The following RGPD1 variants were observed in gnomAD, a reference collection of about 807,000 sequenced individuals.
The protein encoded by RGPD1 is RANBP2 like and GRIP domain containing 1, also known as RANBP2-like and GRIP domain-containing protein 1.
In RGPD1, 7 loss-of-function variants were observed where a neutral mutation model predicts 40.6. The observed-to-expected ratio is 0.17, with a 90% confidence interval of 0.10 to 0.32. The LOEUF (loss-of-function observed/expected upper bound fraction) is 0.32. RGPD1 is among the 10% of genes least tolerant of loss of function. The pLI, the probability that RGPD1 is intolerant of heterozygous loss-of-function variation, is 1.00. For synonymous variants in RGPD1, 24 were observed against 167.0 expected (o/e 0.14, Z 6.60); for missense variants, 50 against 472.5 (o/e 0.11, Z 8.29).
chr2:86,930,281 C>G, intron 1 of RGPD1: 3 of 1,368,558 alleles, frequency 2.2e-6, no homozygotes, highest in Non-Finnish European at 3.1e-6. Context: ...CAGGTTTGTT[C>G]ACTGGAAGCA....
At chr2:86,932,025 AATAAT>A in intron 1 of RGPD1, among the ~76,000 whole-genome samples, 1 of 148,332 alleles carries the variant, frequency 6.7e-6, no homozygotes, top group Non-Finnish European at 1.5e-5. Flanking sequence ...CAGAGAAGAT[AATAAT>A]ATATTCATTT....
chr2:86,949,551 CAGTGT>C (rs1432618781), intron 1 of RGPD1, among the ~76,000 whole-genome samples: 33 of 116,478 alleles, frequency 2.8e-4, no homozygotes, highest in African/African-American at 9.6e-4. Flanking sequence ...GTTACAGCCA[CAGTGT>C]GTGATAAGTG....
intron 1 of RGPD1, among the ~76,000 whole-genome samples, chr2:86,945,162 C>T (rs1680253733): frequency 1.3e-5 from 2 of 151,970 alleles, no homozygotes; most frequent in Admixed American, 6.6e-5. Context: ...TACATAACGT[C>T]TCCATTAAAT....
chr2:86,939,342 G>A (rs1469241800), upstream of RGPD1, among the ~76,000 whole-genome samples: 3 of 148,318 alleles, frequency 2.0e-5, no homozygotes, highest in Non-Finnish European at 4.5e-5. Context: ...ACTTTGGGAG[G>A]CTGAGGAAGA....
intron 1 of RGPD1, among the ~76,000 whole-genome samples, chr2:86,914,074 G>A (rs1265372937): frequency 2.9e-5 from 2 of 69,968 alleles, no homozygotes; most frequent in Non-Finnish European, 5.8e-5. Flanking sequence ...CTCGGCCCCG[G>A]CCTGGCCGGG....
rs868478581 is a variant in RGPD1, at chr2:86,914,486, G to A, written c.72+565G>A. ...GGCGGCGGCGGCGGCCTCGGCCTCG[G>A]CCTGGCCGGGCTGCGGCGGCGGCGG... On this transcript the variant is annotated intron_variant, in intron 1 of 22. Coordinates refer to the RGPD1 transcript ENST00000398193. Among the ~76,000 whole-genome samples, 23 of 16,978 alleles carry A rather than the reference G, an allele frequency of 1.4e-3. 2 individuals are homozygous for A. The highest frequency in any genetic ancestry group is 4.1e-3 in the East Asian group (2 of 486). 11.1% of individuals were successfully genotyped at this position (16,978 alleles called of 152,430 possible). A position where few individuals can be genotyped will look rare whatever the true frequency, so the allele number is the denominator to read the frequency against.
chr2:87,011,126 C>T lies in RGPD1; in HGVS notation c.5237-1387C>T. On this transcript the variant is annotated intron_variant, in intron 22 of 22. Transcript: ENST00000641458. ...CAGTAGTCATCTCTCTGTTCTGGAT[C>T]AGTAGTATAGCACCAGGGCCCCTGC... 3 of 429,826 alleles carry T rather than the reference C, an allele frequency of 7.0e-6. 1 individual carries two copies. The highest frequency in any genetic ancestry group is 2.1e-5 in the South Asian group (1 of 48,314). 26.6% of individuals were successfully genotyped at this position (429,826 alleles called of 1,614,324 possible).
At chr2:86,928,580 T>A (rs1232881363) in intron 1 of RGPD1, among the ~76,000 whole-genome samples, 2 of 152,096 alleles carry the variant, frequency 1.3e-5, no homozygotes, top group Non-Finnish European at 2.9e-5. Context: ...GTGAAAGTGG[T>A]TGGATTGTGG....
chr2:86,924,543 G>T lies in RGPD1; in HGVS notation c.72+10622G>T, dbSNP rs369265338. ...TGCAGTGATGCTATCGTAGTTGGCT[G>T]TAATCTCGAACTCATAGGCTCAAGC... is the stretch of plus-strand genomic sequence containing the variant. On this transcript the variant is annotated intron_variant, in intron 1 of 22. Transcript: ENST00000398193. Among the ~76,000 whole-genome samples the T allele has an allele frequency of 1.0e-4, 15 of 150,692 alleles. No individual in the cohort carries two copies. The East Asian group carries it at 2.8e-3, about 28-fold the overall frequency.
chr2:86,942,405 C>T (rs1451826915), intron 1 of RGPD1, 97 bp downstream of exon 1: 15 of 1,293,566 alleles, frequency 1.2e-5, no homozygotes, highest in African/African-American at 1.5e-5. Context: ...GCGGCGGCCT[C>T]GATGGCTCAG....
chr2:86,931,949 T>TATATTCATTATATATATATTTATATATA (rs1679008094), intron 1 of RGPD1, among the ~76,000 whole-genome samples: 1 of 144,272 alleles, frequency 6.9e-6, no homozygotes, highest in African/African-American at 2.5e-5. Flanking sequence ...ATTTATGTAT[T>TATATTCATTATATATATATTTATATATA]ATATTCATTA....
intron 1 of RGPD1, among the ~76,000 whole-genome samples, chr2:86,925,712 GTAAATGGAATTCACAGAATGCA>G (rs1355928763): frequency 6.6e-6 from 1 of 151,854 alleles, no homozygotes; most frequent in Non-Finnish European, 1.5e-5. Flanking sequence ...GATTCTAAAT[GTAAATGGAATTCACAGAATGCA>G]TAATTTTTTT....
chr2:86,925,161 C>T (rs1239940539), intron 1 of RGPD1, among the ~76,000 whole-genome samples: 1 of 152,172 alleles, frequency 6.6e-6, no homozygotes, highest in African/African-American at 2.4e-5. Flanking sequence ...CTTACATGTT[C>T]TAGACATGAG....
rs368415294 is a variant in RGPD1 at position 86,924,550 on chromosome 2, C to G, written c.72+10629C>G. ...ATGCTATCGTAGTTGGCTGTAATCT[C>G]GAACTCATAGGCTCAAGCCATCCTC... On this transcript the variant is annotated intron_variant, in intron 1 of 22. Transcript: ENST00000398193. 1.8e-3 allele frequency among the ~76,000 whole-genome samples: 268 copies of G among 150,500 alleles called. 6 individuals are homozygous for G. The highest frequency in any genetic ancestry group is 3.4e-3 in the Middle Eastern group (1 of 290).
rs1437601069 is a variant in RGPD1 at position 87,010,821 on chromosome 2, C to T, written c.5237-1692C>T. Among the ~76,000 whole-genome samples the T allele has an allele frequency of 1.9e-4, 10 of 53,224 alleles. 1 individual carries two copies. Among genetic ancestry groups the T allele is most frequent in the South Asian group, 1.4e-3 (2 of 1,380 alleles). 34.9% of individuals were successfully genotyped at this position (53,224 alleles called of 152,430 possible). A position where few individuals can be genotyped will look rare whatever the true frequency, so the allele number is the denominator to read the frequency against. ...ACTTGGGAGGCTGAGGTAGGAGAAT[C>T]GCTTGAACCCGGAGGCGGAGGTTGT... On this transcript the variant is annotated intron_variant, in intron 22 of 22. Transcript: ENST00000641458.
chr2:86,931,643 A>G (rs1678970710), intron 1 of RGPD1, among the ~76,000 whole-genome samples: 1 of 151,920 alleles, frequency 6.6e-6, no homozygotes, highest in Admixed American at 6.6e-5. Flanking sequence ...GCTTAACATT[A>G]TTACTTCAGA....
At chr2:86,917,833 TC>T (rs1677822845) in intron 1 of RGPD1, among the ~76,000 whole-genome samples, 1 of 63,190 alleles carries the variant, frequency 1.6e-5, no homozygotes, top group Non-Finnish European at 3.2e-5. Context: ...GTAAATCAAA[TC>T]TCACTTAATA....
upstream of RGPD1, chr2:86,913,665 G>A (rs1007046196): frequency 3.1e-3 from 3,827 of 1,246,152 alleles, 66 homozygotes; most frequent in Non-Finnish European, 3.9e-3. Context: ...CCAAGAGCCC[G>A]GCCGAGTGCA....
intron 1 of RGPD1, among the ~76,000 whole-genome samples, chr2:86,943,624 A>G (rs1680094123): frequency 6.6e-6 from 1 of 152,148 alleles, no homozygotes; most frequent in African/African-American, 2.4e-5. Context: ...CATTAATAGA[A>G]TTTGATAGGA....
Sources: allele counts gnomAD v4.1 joint callset (sites outside exome capture counted in the v4.1 genomes callset), GRCh38; gene constraint gnomAD v4.1.1; transcripts MANE v1.5; gene names NCBI Gene and HGNC (gene_info 2026-07-23, HGNC 2026-07-21).